Variants in ANK3 observed in about 807,000 individuals in gnomAD.
ANK3 encodes ankyrin-3.
A neutral mutation model predicts 370.9 loss-of-function variants in ANK3; 57 were observed. That is an observed-to-expected ratio of 0.15 (90% CI 0.12 to 0.19). ANK3 has a LOEUF of 0.19. Among genes scored for constraint, ANK3 ranks in the 10% least tolerant of loss-of-function variants. The pLI is 1.00. For synonymous variants in ANK3, 1,929 were observed against 1,946.3 expected (o/e 0.99, Z 0.23); for missense variants, 4,439 against 5,302.1 (o/e 0.84, Z 5.06).
At chr10:60,531,636 A>C (rs920332991) in intron 2 of ANK3, among the ~76,000 whole-genome samples, 2 of 152,106 alleles carry the variant, frequency 1.3e-5, no homozygotes, top group South Asian at 2.1e-4. Flanking sequence ...TTTTATGTGA[A>C]TATATCAGCT....
intron 1 of ANK3, among the ~76,000 whole-genome samples, chr10:60,731,185 G>A (rs752507155): frequency 2.8e-4 from 43 of 152,008 alleles, no homozygotes; most frequent in Non-Finnish European, 4.3e-4. Context: ...TTATTCTAGA[G>A]TTAGGCACAC....
At chr10:60,399,399 C>T (rs1447289589) in intron 2 of ANK3, among the ~76,000 whole-genome samples, 3 of 152,156 alleles carry the variant, frequency 2.0e-5, no homozygotes, top group Non-Finnish European at 2.9e-5. Flanking sequence ...CCTCCCACCA[C>T]GCATGCACAA....
At chr10:60,199,238 T>C (rs796627899) in intron 13 of ANK3, among the ~76,000 whole-genome samples, 2 of 152,160 alleles carry the variant, frequency 1.3e-5, no homozygotes, top group South Asian at 4.1e-4. Flanking sequence ...GTCCTCTAAA[T>C]AGAAATTCTC....
intron 2 of ANK3, among the ~76,000 whole-genome samples, chr10:60,538,709 C>T (rs2076779141): frequency 6.6e-6 from 1 of 151,830 alleles, no homozygotes; most frequent in African/African-American, 2.4e-5. Context: ...TTTTCTTCTG[C>T]ATTTAAAACT....
chr10:60,279,229 T>C, intron 2 of ANK3, 81 bp from the exon 3 acceptor site: 1 of 1,216,170 alleles, frequency 8.2e-7, no homozygotes, highest in East Asian at 2.3e-5. Context: ...TCCTGAGATA[T>C]TATAAAGTCC....
intron 1 of ANK3, among the ~76,000 whole-genome samples, chr10:60,723,961 A>G (rs961208786): frequency 1.3e-5 from 2 of 151,622 alleles, no homozygotes; most frequent in African/African-American, 4.8e-5. Flanking sequence ...CTGTAATCCC[A>G]GCACTTTGGG....
chr10:60,569,752 C>G (rs1003811042), intron 2 of ANK3, among the ~76,000 whole-genome samples: 14 of 152,122 alleles, frequency 9.2e-5, no homozygotes, highest in African/African-American at 3.4e-4. Flanking sequence ...ACACTCAACA[C>G]CAACACATAA....
chr10:60,457,727 T>C (rs969914162), intron 2 of ANK3, among the ~76,000 whole-genome samples: 1 of 152,104 alleles, frequency 6.6e-6, no homozygotes, highest in African/African-American at 2.4e-5. Flanking sequence ...TTTGAGAGAA[T>C]ATTCTCGAAG....
At chr10:60,360,298 AAAGAAT>A (rs1327769453) in intron 1 of ANK3, among the ~76,000 whole-genome samples, 1 of 152,246 alleles carries the variant, frequency 6.6e-6, no homozygotes, top group African/African-American at 2.4e-5. Flanking sequence ...CAGGGAGCTA[AAAGAAT>A]AAGAGTGCTC....
intron 8 of ANK3, among the ~76,000 whole-genome samples, chr10:60,229,041 G>A (rs927719474): frequency 2.0e-5 from 3 of 152,148 alleles, no homozygotes; most frequent in Non-Finnish European, 4.4e-5. Context: ...TAAAACAAAA[G>A]ATGCTCCCTC....
At chr10:60,082,878 T>C (rs1441932591) in intron 33 of ANK3, 141 bp from the exon 34 acceptor site, 11 of 981,580 alleles carry the variant, frequency 1.1e-5, no homozygotes, top group Non-Finnish European at 1.6e-5. Flanking sequence ...ATTACGATTA[T>C]GCAGCAACCG....
chr10:60,728,649 T>C (rs957879516), intron 1 of ANK3, among the ~76,000 whole-genome samples: 5 of 152,220 alleles, frequency 3.3e-5, no homozygotes, highest in Non-Finnish European at 5.9e-5. Flanking sequence ...CTCCTTCGTC[T>C]AGTGAAGAAA....
intron 2 of ANK3, among the ~76,000 whole-genome samples, chr10:60,527,189 C>G (rs756319151): frequency 6.6e-6 from 1 of 152,040 alleles, no homozygotes; most frequent in Non-Finnish European, 1.5e-5. Flanking sequence ...CACCTAAACA[C>G]CATTTAAAAA....
intron 1 of ANK3, among the ~76,000 whole-genome samples, chr10:60,379,773 A>G (rs2061311026): frequency 6.6e-6 from 1 of 152,180 alleles, no homozygotes. Flanking sequence ...TTACAGCTAG[A>G]TAAGGGGAGT....
At position 60,082,784 on chromosome 10, in the gene ANK3, A is replaced by G. The variant is rs763698714; in HGVS notation, c.4201-47T>C. The G allele has an allele frequency of 1.9e-6, 3 of 1,589,086 alleles. No homozygotes were observed. In the East Asian group the frequency reaches 6.7e-5, roughly 36 times the overall value. On this transcript the variant is annotated intron_variant, in intron 33 of 43. Transcript: ENST00000280772. ...ATGGTTATAGAATGAGACTTATCTG[A>G]GGATTTTTAACTGTATAAGAGTTAA... is the stretch of plus-strand genomic sequence containing the variant.
chr10:60,109,105 C>A, intron 26 of ANK3, 51 bp from the exon 27 acceptor site: 1 of 1,427,872 alleles, frequency 7.0e-7, no homozygotes, highest in South Asian at 1.2e-5. Context: ...AAACTGTGCT[C>A]ACAGCAAGTT....
rs185237710 is a variant in ANK3, at chr10:60,093,130, A to G, written c.3329-4772T>C. 1.0e-3 allele frequency among the ~76,000 whole-genome samples: 154 copies of G among 152,350 alleles called. No homozygotes were observed. In the East Asian group the frequency reaches 0.025, roughly 25 times the overall value. The stretch of plus-strand genomic sequence containing the variant: ...TTCTGGGGGAGTTTTCACCTATTCA[A>G]TGTAACTGAAAGGAGATAAACGTTT... On this transcript the variant is annotated intron_variant, in intron 28 of 43. Coordinates refer to ENST00000280772, the MANE Select transcript of ANK3 (RefSeq NM_020987.5).
intron 4 of ANK3, among the ~76,000 whole-genome samples, chr10:60,276,161 A>G (rs1004361053): frequency 1.5e-4 from 23 of 152,200 alleles, no homozygotes; most frequent in Non-Finnish European, 2.1e-4. Flanking sequence ...AGAACTTGAT[A>G]TTGCCCAATG....
At chr10:60,397,721 A>G (rs1213422326) in intron 2 of ANK3, among the ~76,000 whole-genome samples, 2 of 152,204 alleles carry the variant, frequency 1.3e-5, no homozygotes, top group South Asian at 2.1e-4. Flanking sequence ...ATGTTCCACA[A>G]CTTTGCAACT....
Sources: allele counts gnomAD v4.1 joint callset (sites outside exome capture counted in the v4.1 genomes callset), GRCh38; gene constraint gnomAD v4.1.1; transcripts MANE v1.5; gene names NCBI Gene and HGNC (gene_info 2026-07-23, HGNC 2026-07-21).